SHB: variants seen among roughly 807,000 people sequenced by gnomAD.
The protein encoded by SHB is SH2 domain containing adaptor protein B, also known as SH2 domain-containing adapter protein B.
A neutral mutation model predicts 52.3 loss-of-function variants in SHB; 20 were observed. The ratio of observed to expected loss-of-function variants is 0.38; its 90% CI spans 0.27 to 0.56. SHB has a LOEUF of 0.56. SHB is among the 20% of genes least tolerant of loss of function. The pLI is 0.71. For synonymous variants in SHB, 397 were observed against 316.5 expected, an observed-to-expected ratio of 1.25 and a Z score of -2.70; for missense variants, 825 against 723.3, an observed-to-expected ratio of 1.14 and a Z score of -1.61.
chr9:38,026,683 T>C (rs1821347257), intron 1 of SHB, among the ~76,000 whole-genome samples: 2 of 152,228 alleles, frequency 1.3e-5, no homozygotes, highest in Admixed American at 1.3e-4. Context: ...AACCAAGCCT[T>C]GATGAACTCT....
chr9:37,976,224 C>T (rs192334063), intron 2 of SHB, among the ~76,000 whole-genome samples: 1 of 152,096 alleles, frequency 6.6e-6, no homozygotes, highest in Admixed American at 6.5e-5. Context: ...TTAGTGGAGA[C>T]GGGGTTTTGC....
At chr9:38,034,953 T>TC (rs1403814086) in intron 1 of SHB, among the ~76,000 whole-genome samples, 1 of 152,188 alleles carries the variant, frequency 6.6e-6, no homozygotes, top group Non-Finnish European at 1.5e-5. Context: ...CACCTCGGCC[T>TC]CCCAAAGTGC....
chr9:38,034,946 C>G (rs1436206785), intron 1 of SHB, among the ~76,000 whole-genome samples: 1 of 152,244 alleles, frequency 6.6e-6, no homozygotes, highest in Non-Finnish European at 1.5e-5. Flanking sequence ...ATCTGCCCAC[C>G]TCGGCCTCCC....
chr9:37,926,383 T>C (rs1482565339), intron 5 of SHB, among the ~76,000 whole-genome samples: 4 of 152,142 alleles, frequency 2.6e-5, no homozygotes, highest in African/African-American at 9.7e-5. Context: ...GCAACACTAG[T>C]GCTAGAAGAT....
At chr9:37,946,126 C>G (rs1832488505) in intron 5 of SHB, among the ~76,000 whole-genome samples, 1 of 152,228 alleles carries the variant, frequency 6.6e-6, no homozygotes, top group Admixed American at 6.5e-5. Flanking sequence ...GATGAGGACA[C>G]TGAGGCCCCT....
At chr9:38,044,608 C>T (rs1821625654) in intron 1 of SHB, among the ~76,000 whole-genome samples, 1 of 152,212 alleles carries the variant, frequency 6.6e-6, no homozygotes, top group African/African-American at 2.4e-5. Flanking sequence ...ATGCCCACCA[C>T]CACACCAAAA....
In SHB at chr9:37,918,758, A is replaced by G. The variant is rs1286808122; in HGVS notation, c.*1063T>C. On this transcript the variant is annotated 3_prime_UTR_variant, in exon 6 of 6. Coordinates refer to ENST00000377707, the MANE Select transcript of SHB (RefSeq NM_003028.3). ...CAGGTGGTGCTAACAGATAGTGGGG[A>G]GAGAGCCCTTTGTAGCCAGCTGGGT... Among the ~76,000 whole-genome samples, 1 of 152,182 alleles carries G rather than the reference A, an allele frequency of 6.6e-6. No homozygotes were observed. Among genetic ancestry groups the G allele is most frequent in the Non-Finnish European group, 1.5e-5 (1 of 68,038 alleles).
At chr9:37,982,501 T>C (rs1212378086) in intron 2 of SHB, among the ~76,000 whole-genome samples, 2 of 150,540 alleles carry the variant, frequency 1.3e-5, no homozygotes, top group Non-Finnish European at 1.5e-5. Flanking sequence ...TCAAAAAAAA[T>C]GGATAAGTAG....
At chr9:38,035,687 G>C (rs1302773646) in intron 1 of SHB, among the ~76,000 whole-genome samples, 6 of 152,082 alleles carry the variant, frequency 3.9e-5, no homozygotes, top group Admixed American at 2.0e-4. Flanking sequence ...ATAATCTAGG[G>C]AGAGGTCAGC....
chr9:38,034,282 C>T (rs1249570635), intron 1 of SHB, among the ~76,000 whole-genome samples: 2 of 152,234 alleles, frequency 1.3e-5, no homozygotes, highest in African/African-American at 2.4e-5. Context: ...GGGACCTTTA[C>T]TAAAGTGATG....
chr9:37,979,620 G>GA (rs111982445), intron 2 of SHB, among the ~76,000 whole-genome samples: 3,146 of 134,924 alleles, frequency 0.023, 69 homozygotes, highest in African/African-American at 0.065. Context: ...GTGCCTCCCT[G>GA]AAAAAAAAAA....
At chr9:37,957,572 T>C (rs1292093959) in intron 3 of SHB, among the ~76,000 whole-genome samples, 2 of 152,202 alleles carry the variant, frequency 1.3e-5, no homozygotes, top group Admixed American at 6.5e-5. Context: ...GCTGAGCGTG[T>C]GGCCAGCCTG....
intron 5 of SHB, among the ~76,000 whole-genome samples, chr9:37,927,626 T>C (rs1028883163): frequency 3.9e-5 from 6 of 152,202 alleles, no homozygotes; most frequent in Non-Finnish European, 8.8e-5. Context: ...AATGAACCCA[T>C]TTTGGGCAAT....
At chr9:38,063,723 A>G (rs1821923051) in intron 1 of SHB, among the ~76,000 whole-genome samples, 1 of 152,040 alleles carries the variant, frequency 6.6e-6, no homozygotes, top group African/African-American at 2.4e-5. Flanking sequence ...TCCTTTTTGG[A>G]AAGTTAGCCA....
chr9:37,966,974 G>T (rs1398922673), intron 3 of SHB, among the ~76,000 whole-genome samples: 1 of 152,200 alleles, frequency 6.6e-6, no homozygotes, highest in African/African-American at 2.4e-5. Flanking sequence ...CCTTGTACCG[G>T]TGTGCAAGGG....
chr9:37,976,321 C>T (rs2117971870), intron 2 of SHB, among the ~76,000 whole-genome samples: 1 of 152,344 alleles, frequency 6.6e-6, no homozygotes, highest in East Asian at 1.9e-4. Flanking sequence ...CAGGTGTGAG[C>T]CACCGCACCC....
intron 1 of SHB, among the ~76,000 whole-genome samples, chr9:38,055,733 G>A (rs1394407403): frequency 6.6e-6 from 1 of 152,130 alleles, no homozygotes; most frequent in African/African-American, 2.4e-5. Context: ...ACTCAGCCCA[G>A]TGCTGGAATA....
chr9:37,934,843 G>A (rs768295468), intron 5 of SHB, among the ~76,000 whole-genome samples: 1 of 152,182 alleles, frequency 6.6e-6, no homozygotes, highest in Non-Finnish European at 1.5e-5. Context: ...TGCCTTGACA[G>A]ACAACAAAGC....
At chr9:37,952,258 G>C (rs775751858) in intron 4 of SHB, among the ~76,000 whole-genome samples, 1 of 152,196 alleles carries the variant, frequency 6.6e-6, no homozygotes, top group Non-Finnish European at 1.5e-5. Flanking sequence ...GCTTAGAAAT[G>C]AATGGGCAGG....
Sources: gnomAD v4.1 joint callset for allele counts (sites outside exome capture counted in the v4.1 genomes callset) on GRCh38, gnomAD v4.1.1 for gene constraint, MANE v1.5 for transcripts, NCBI Gene and HGNC (gene_info 2026-07-23, HGNC 2026-07-21) for gene names.